GLRA1: variants seen among roughly 807,000 people sequenced by gnomAD.
GLRA1 encodes the protein glycine receptor subunit alpha-1.
A neutral mutation model predicts 48.3 loss-of-function variants in GLRA1; 37 were observed. That is an observed-to-expected ratio of 0.77 (90% confidence interval 0.59 to 1.01). The LOEUF is 1.01. Ranked by LOEUF, GLRA1 falls within the 50% of genes least tolerant of loss-of-function variation. GLRA1 has a pLI of 0.00. For missense variants in GLRA1, 427 were observed against 571.0 expected, an observed-to-expected ratio of 0.75 and a Z score of 2.57; for synonymous variants, 196 against 210.7, an observed-to-expected ratio of 0.93 and a Z score of 0.60.
intron 1 of GLRA1, among the ~76,000 whole-genome samples, chr5:151,901,463 T>C (rs1754366616): frequency 6.6e-6 from 1 of 152,228 alleles, no homozygotes; most frequent in South Asian, 2.1e-4. Context: ...TTACTCTGAC[T>C]GAGGGAAAGC....
chr5:151,859,549 T>C (rs1281225022), intron 4 of GLRA1, among the ~76,000 whole-genome samples: 1 of 152,210 alleles, frequency 6.6e-6, no homozygotes, highest in Non-Finnish European at 1.5e-5. Flanking sequence ...CTAGGATGGC[T>C]TTCTTAGTCT....
At chr5:151,919,578 T>C (rs1158890667) in intron 1 of GLRA1, among the ~76,000 whole-genome samples, 1 of 152,254 alleles carries the variant, frequency 6.6e-6, no homozygotes, top group Non-Finnish European at 1.5e-5. Flanking sequence ...CTTATAATAA[T>C]TGAAATACAC....
intron 1 of GLRA1, among the ~76,000 whole-genome samples, chr5:151,906,338 T>G (rs1346977314): frequency 6.6e-6 from 1 of 152,220 alleles, no homozygotes; most frequent in African/African-American, 2.4e-5. Context: ...CTTAAGAACT[T>G]AGAAAAATCC....
chr5:151,868,924 G>T (rs755705087), intron 3 of GLRA1, among the ~76,000 whole-genome samples: 1 of 152,194 alleles, frequency 6.6e-6, no homozygotes, highest in Non-Finnish European at 1.5e-5. Flanking sequence ...TTCTCATTTA[G>T]ATATCACACA....
chr5:151,849,939 C>T, intron 7 of GLRA1: 1 of 1,561,926 alleles, frequency 6.4e-7, no homozygotes, highest in South Asian at 1.2e-5. Context: ...TTTTGGGATA[C>T]CTTCAGTAAG....
At chr5:151,826,832 G>A (rs1045157116) in intron 8 of GLRA1, among the ~76,000 whole-genome samples, 2 of 152,172 alleles carry the variant, frequency 1.3e-5, no homozygotes, top group Non-Finnish European at 2.9e-5. Context: ...CATACAAACA[G>A]CATCTACTGG....
chr5:151,893,004 T>C (rs1191205629), intron 1 of GLRA1, among the ~76,000 whole-genome samples: 1 of 152,232 alleles, frequency 6.6e-6, no homozygotes, highest in African/African-American at 2.4e-5. Context: ...CTTGTACTTA[T>C]GGGATCACTG....
chr5:151,865,125 T>G (rs1238740849), intron 3 of GLRA1, among the ~76,000 whole-genome samples: 1 of 152,200 alleles, frequency 6.6e-6, no homozygotes, highest in Non-Finnish European at 1.5e-5. Flanking sequence ...AACATTTAAC[T>G]GAGCTCTCTT....
chr5:151,823,561 TC>T (rs1455952010), intron 8 of GLRA1, among the ~76,000 whole-genome samples: 2 of 152,282 alleles, frequency 1.3e-5, no homozygotes, highest in Middle Eastern at 3.4e-3. Flanking sequence ...GGGCCTCACT[TC>T]CGTTCTACAA....
At chr5:151,894,653 T>C (rs989307964) in intron 1 of GLRA1, among the ~76,000 whole-genome samples, 1 of 152,242 alleles carries the variant, frequency 6.6e-6, no homozygotes, top group African/African-American at 2.4e-5. Context: ...TGTTTGTTTG[T>C]TCTTTCATTC....
Position 151,894,106 on chromosome 5 carries a change from G to C in GLRA1, c.57-1668C>G, listed in dbSNP as rs117391199. The stretch of plus-strand genomic sequence containing the variant: ...CACTGACATGTGCTTGTGGGGCTGG[G>C]ATGTTGGAGGAAATGCATAGAGATA... On this transcript the variant is annotated intron_variant, in intron 1 of 8. Coordinates refer to ENST00000274576, the MANE Select transcript of GLRA1 (RefSeq NM_000171.4). 2.2e-4 allele frequency among the ~76,000 whole-genome samples: 34 copies of C among 152,292 alleles called. No homozygotes were observed. In the East Asian group the frequency reaches 6.5e-3, roughly 29 times the overall value.
intron 1 of GLRA1, among the ~76,000 whole-genome samples, chr5:151,905,925 T>C (rs914072967): frequency 6.6e-6 from 1 of 152,198 alleles, no homozygotes; most frequent in African/African-American, 2.4e-5. Flanking sequence ...TTCTGTTAAA[T>C]TGCCCTGCAT....
chr5:151,827,080 G>A (rs1487609597), intron 8 of GLRA1, among the ~76,000 whole-genome samples: 1 of 133,476 alleles, frequency 7.5e-6, no homozygotes, highest in Non-Finnish European at 1.5e-5. Context: ...ACATTGGTCT[G>A]GAACTCCTGG....
At chr5:151,850,413 A>G in intron 7 of GLRA1, 2 of 1,223,752 alleles carry the variant, frequency 1.6e-6, no homozygotes, top group Non-Finnish European at 1.2e-6. Flanking sequence ...TCCTGGGAAC[A>G]GGAAGTGTTC....
At chr5:151,890,927 G>C (rs1216531634) in intron 2 of GLRA1, among the ~76,000 whole-genome samples, 2 of 152,136 alleles carry the variant, frequency 1.3e-5, no homozygotes, top group African/African-American at 4.8e-5. Context: ...GGGGAGAGTG[G>C]GCCCAAACAG....
At chr5:151,837,896 G>A (rs1478844076) in intron 7 of GLRA1, among the ~76,000 whole-genome samples, 6 of 152,098 alleles carry the variant, frequency 3.9e-5, no homozygotes, top group South Asian at 2.1e-4. Flanking sequence ...CCACCATGAC[G>A]TGTGTATACC....
At chr5:151,924,032 C>A (rs897580029) in intron 1 of GLRA1, among the ~76,000 whole-genome samples, 2 of 152,168 alleles carry the variant, frequency 1.3e-5, no homozygotes, top group Non-Finnish European at 2.9e-5. Context: ...TGAGTGCAAC[C>A]TTCCCCGTCA....
intron 3 of GLRA1, among the ~76,000 whole-genome samples, chr5:151,866,672 G>A (rs973969173): frequency 3.3e-5 from 5 of 152,050 alleles, no homozygotes; most frequent in Non-Finnish European, 7.4e-5. Flanking sequence ...ACATTTATGA[G>A]GCTGATTGGG....
At chr5:151,901,780 T>C (rs1754373848) in intron 1 of GLRA1, among the ~76,000 whole-genome samples, 1 of 152,236 alleles carries the variant, frequency 6.6e-6, no homozygotes. Context: ...CTATCATTCA[T>C]GATACTTTAC....
Sources: gnomAD v4.1 joint callset for allele counts (sites outside exome capture counted in the v4.1 genomes callset) on GRCh38, gnomAD v4.1.1 for gene constraint, MANE v1.5 for transcripts, NCBI Gene and HGNC (gene_info 2026-07-23, HGNC 2026-07-21) for gene names.